Variants in PXDNL observed in about 807,000 individuals in gnomAD.
PXDNL encodes probable oxidoreductase PXDNL.
Under a neutral mutation model 150.8 loss-of-function variants are expected in PXDNL, and 145 were observed. The observed-to-expected ratio is 0.96, with a 90% CI of 0.84 to 1.10. The LOEUF (loss-of-function observed/expected upper bound fraction) is 1.10, where lower values mean the gene tolerates loss of function less well. Ranked by LOEUF, PXDNL falls within the 50% of genes least tolerant of loss-of-function variation. The probability of loss-of-function intolerance (pLI) is 0.00; values close to 1 mark genes in which losing one functional copy is unlikely to be tolerated. For missense variants in PXDNL, 2,087 were observed against 1,873.9 expected (o/e 1.11, Z -2.10); for synonymous variants, 757 against 725.7 (o/e 1.04, Z -0.69).
intron 5 of PXDNL, among the ~76,000 whole-genome samples, chr8:51,485,547 C>G (rs1364872588): frequency 6.6e-6 from 1 of 152,106 alleles, no homozygotes; most frequent in African/African-American, 2.4e-5. Flanking sequence ...CCATCATTTC[C>G]CAGGTGATAT....
At position 51,788,253 on chromosome 8, in the gene PXDNL, C is replaced by A. The variant is rs1312653958; in HGVS notation, c.164+20928G>T. Among the ~76,000 whole-genome samples the A allele has an allele frequency of 2.0e-5, 3 of 152,148 alleles. No homozygotes were observed. In the East Asian group the frequency reaches 5.8e-4, roughly 29 times the overall value. ...GTAAATTAGCTAATAATTTTGAGGA[C>A]CATTAATGATTTTGAGGACCAGGAG... On this transcript the variant is annotated intron_variant, in intron 1 of 22. Coordinates refer to ENST00000356297, the MANE Select transcript of PXDNL (RefSeq NM_144651.5).
chr8:51,782,315 A>G (rs1421924703), intron 1 of PXDNL, among the ~76,000 whole-genome samples: 1 of 152,188 alleles, frequency 6.6e-6, no homozygotes, highest in Non-Finnish European at 1.5e-5. Flanking sequence ...CTTAGCTCCA[A>G]GCTCAAGGGA....
At chr8:51,570,472 A>C (rs1231997965) in intron 3 of PXDNL, among the ~76,000 whole-genome samples, 1 of 151,908 alleles carries the variant, frequency 6.6e-6, no homozygotes, top group Non-Finnish European at 1.5e-5. Flanking sequence ...CTAACCTGAC[A>C]TTATACTTTT....
At chr8:51,676,660 G>A (rs901589404) in intron 1 of PXDNL, among the ~76,000 whole-genome samples, 1 of 152,138 alleles carries the variant, frequency 6.6e-6, no homozygotes, top group African/African-American at 2.4e-5. Flanking sequence ...CCTACCTGGT[G>A]TAGAATTACC....
intron 2 of PXDNL, among the ~76,000 whole-genome samples, chr8:51,630,505 A>AGAGT (rs1451347263): frequency 4.6e-5 from 7 of 152,214 alleles, no homozygotes; most frequent in South Asian, 4.1e-4. Flanking sequence ...GACAGCCTAC[A>AGAGT]AAACGGGAGA....
intron 3 of PXDNL, among the ~76,000 whole-genome samples, chr8:51,574,818 T>C: frequency 6.6e-6 from 1 of 151,952 alleles, no homozygotes; most frequent in Admixed American, 6.6e-5. Flanking sequence ...TAAAGTACTC[T>C]TCAGGAATAA....
At chr8:51,430,728 G>T (rs1406102478) in intron 12 of PXDNL, among the ~76,000 whole-genome samples, 1 of 152,064 alleles carries the variant, frequency 6.6e-6, no homozygotes, top group African/African-American at 2.4e-5. Context: ...CCCAAGTTTT[G>T]TCACCTTTAC....
chr8:51,496,773 A>G (rs1195266695), intron 5 of PXDNL, among the ~76,000 whole-genome samples: 3 of 152,180 alleles, frequency 2.0e-5, no homozygotes, highest in South Asian at 2.1e-4. Context: ...CCACTGCTCA[A>G]TGAAATAAAA....
intron 4 of PXDNL, among the ~76,000 whole-genome samples, chr8:51,527,056 T>A (rs1314763380): frequency 6.6e-6 from 1 of 152,076 alleles, no homozygotes; most frequent in East Asian, 1.9e-4. Flanking sequence ...ACTGCAAGGG[T>A]CTTCAATTTG....
rs367651868 is a variant in PXDNL, at chr8:51,375,420, A to C, written c.3558-689T>G. 3.7e-4 allele frequency among the ~76,000 whole-genome samples: 56 copies of C among 152,258 alleles called. 1 individual carries two copies. Among genetic ancestry groups the C allele is most frequent in the African/African-American group, 1.2e-3 (50 of 41,548 alleles). On this transcript the variant is annotated intron_variant, in intron 17 of 22. Coordinates refer to ENST00000356297, the MANE Select transcript of PXDNL (RefSeq NM_144651.5). ...CTGATTGTTTTTTTCTCTCTACTCT[A>C]ATGATAAACGTGACACCAACTTAAC...
rs1162534539 is a variant in PXDNL, at chr8:51,408,391, T to C, written c.3233A>G (p.His1078Arg). The C allele has an allele frequency of 6.2e-7, 1 of 1,613,894 alleles. No individual in the cohort carries two copies. Among genetic ancestry groups the C allele is most frequent in the Non-Finnish European group, 8.5e-7 (1 of 1,179,900 alleles). ...AAAGAGCGCTTTATGGAACGGAAGG[T>C]GGCCTTCGGAAATTTCACCTAAGGT... The part of the protein sequence containing the change: ...NATLGEISEG[H>R]LPFHKALFSP... Residue 1078 changes from histidine to arginine, a missense_variant, in exon 17 of 23, where the codon CAC becomes CGC. Physicochemically the swap from His to Arg is conservative, Grantham distance 29. Coordinates refer to ENST00000356297, the MANE Select transcript of PXDNL (RefSeq NM_144651.5).
At chr8:51,347,821 A>T (rs1238860315) in intron 19 of PXDNL, among the ~76,000 whole-genome samples, 1 of 152,108 alleles carries the variant, frequency 6.6e-6, no homozygotes, top group Non-Finnish European at 1.5e-5. Flanking sequence ...ACAGGTGCTT[A>T]TTTTCCCCTA....
intron 1 of PXDNL, among the ~76,000 whole-genome samples, chr8:51,803,449 T>C (rs570340478): frequency 2.0e-5 from 3 of 152,274 alleles, no homozygotes; most frequent in East Asian, 3.9e-4. Context: ...CACTTGACCC[T>C]GTCCCTCTCT....
intron 1 of PXDNL, among the ~76,000 whole-genome samples, chr8:51,739,690 C>T (rs549272091): frequency 6.6e-6 from 1 of 151,842 alleles, no homozygotes; most frequent in East Asian, 1.9e-4. Flanking sequence ...CTGGCTAACA[C>T]AGTGAAGCCC....
chr8:51,545,221 A>C (rs1273419245), intron 4 of PXDNL, among the ~76,000 whole-genome samples: 1 of 152,234 alleles, frequency 6.6e-6, no homozygotes, highest in Admixed American at 6.5e-5. Flanking sequence ...AATAGGAATT[A>C]GAACTTTTTC....
intron 4 of PXDNL, among the ~76,000 whole-genome samples, chr8:51,534,004 G>A (rs1196050355): frequency 2.8e-5 from 4 of 142,822 alleles, no homozygotes; most frequent in Non-Finnish European, 4.4e-5. Context: ...AGTGAGGAGC[G>A]TCTCTGCCCG....
intron 3 of PXDNL, 77 bp downstream of exon 3, chr8:51,592,550 T>C: frequency 1.2e-6 from 1 of 852,408 alleles, no homozygotes; most frequent in Non-Finnish European, 1.8e-6. Context: ...TATTTTAATT[T>C]AAAGTAAACA....
intron 1 of PXDNL, among the ~76,000 whole-genome samples, chr8:51,709,086 T>C (rs1000509648): frequency 1.3e-5 from 2 of 152,038 alleles, no homozygotes; most frequent in Non-Finnish European, 2.9e-5. Flanking sequence ...AGCAGATAAA[T>C]GTAGAAGTGT....
At chr8:51,755,593 A>G (rs1468302820) in intron 1 of PXDNL, among the ~76,000 whole-genome samples, 3 of 152,212 alleles carry the variant, frequency 2.0e-5, no homozygotes, top group Non-Finnish European at 2.9e-5. Context: ...TGCTCGGCCT[A>G]TTACCCAGTT....
Sources: allele counts gnomAD v4.1 joint callset (sites outside exome capture counted in the v4.1 genomes callset), GRCh38; gene constraint gnomAD v4.1.1; transcripts MANE v1.5; gene names NCBI Gene and HGNC (gene_info 2026-07-23, HGNC 2026-07-21).